The following MACF1 variants were observed in gnomAD, a reference collection of about 807,000 sequenced individuals.
MACF1 encodes microtubule actin crosslinking factor 1.
A neutral mutation model predicts 854.8 loss-of-function variants in MACF1; 193 were observed. The ratio of observed to expected loss-of-function variants is 0.23; its 90% CI spans 0.20 to 0.25. The LOEUF is 0.25. MACF1 is among the 10% of genes least tolerant of loss of function. The pLI, the probability that MACF1 is intolerant of heterozygous loss-of-function variation, is 1.00. For synonymous variants in MACF1, 3,185 were observed against 3,226.7 expected, an observed-to-expected ratio of 0.99 and a Z score of 0.44; for missense variants, 7,722 against 8,929.1, an observed-to-expected ratio of 0.86 and a Z score of 5.45.
intron 36 of MACF1, among the ~76,000 whole-genome samples, chr1:39,330,645 G>A (rs1470835544): frequency 6.6e-6 from 1 of 152,142 alleles, no homozygotes; most frequent in Non-Finnish European, 1.5e-5. Context: ...TATCTCTCAA[G>A]TAATCTAGGA....
At chr1:39,303,643 G>C (rs1158243454) in intron 23 of MACF1, among the ~76,000 whole-genome samples, 1 of 150,920 alleles carries the variant, frequency 6.6e-6, no homozygotes. Context: ...CTTGAGGTCA[G>C]GAGGTCAAGA....
chr1:39,220,653 T>C (rs190716636), intron 1 of MACF1, among the ~76,000 whole-genome samples: 3 of 151,478 alleles, frequency 2.0e-5, no homozygotes, highest in African/African-American at 7.3e-5. Context: ...TGGCTAATTT[T>C]TGTCTTTTTT....
chr1:39,346,521 C>CTTT (rs527394465), intron 40 of MACF1, among the ~76,000 whole-genome samples: 41 of 138,006 alleles, frequency 3.0e-4, no homozygotes, highest in Admixed American at 5.8e-4. Flanking sequence ...GTGAGAGAGA[C>CTTT]TTTTTTTTTT....
At chr1:39,129,563 A>G (rs1642945388) in intron 2 of MACF1, among the ~76,000 whole-genome samples, 1 of 152,226 alleles carries the variant, frequency 6.6e-6, no homozygotes, top group Non-Finnish European at 1.5e-5. Flanking sequence ...GAAATCCAGG[A>G]GAAAAATGCA....
chr1:39,431,421 G>C (rs553189631), intron 66 of MACF1, among the ~76,000 whole-genome samples: 109 of 152,042 alleles, frequency 7.2e-4, no homozygotes, highest in African/African-American at 2.5e-3. Flanking sequence ...TTGTTCTTTT[G>C]TGTAGCTGGA....
Position 39,119,120 on chromosome 1 carries a change from A to G in MACF1, c.220+34682A>G, listed in dbSNP as rs374922192. The stretch of plus-strand genomic sequence containing the variant: ...GATCACCTGAGATCAGGAGTTCTAG[A>G]CCAGCGGGACCAACATGGAGAAACC... On this transcript the variant is annotated intron_variant, in intron 2 of 93. Coordinates refer to the MACF1 transcript ENST00000361689. Among the ~76,000 whole-genome samples, 12 of 152,246 alleles carry G rather than the reference A, an allele frequency of 7.9e-5. No homozygotes were observed. In the East Asian group the frequency reaches 2.1e-3, roughly 27 times the overall value.
chr1:39,349,456 G>T, intron 41 of MACF1, 22 bp from the exon 42 acceptor site: 1 of 1,598,202 alleles, frequency 6.3e-7, no homozygotes, highest in South Asian at 1.1e-5. Flanking sequence ...AATGTCTCTT[G>T]ACCCCTTTGC....
chr1:39,216,678 C>CCT lies in MACF1; in HGVS notation c.109+11547_109+11548insCT, dbSNP rs1553168253. 6.1e-5 allele frequency among the ~76,000 whole-genome samples: 9 copies of CCT among 148,704 alleles called. No homozygotes were observed. The East Asian group carries it at 1.4e-3, about 23-fold the overall frequency. On this transcript the variant is annotated intron_variant, in intron 1 of 100. Coordinates refer to ENST00000564288, the MANE Select transcript of MACF1 (RefSeq NM_001394062.1). ...CAGAGGGGGCAATTTTAGTGGTCTA[C>CCT]TTTTTTTTTTTATCTTTCCTGTATC...
intron 56 of MACF1, among the ~76,000 whole-genome samples, chr1:39,382,796 A>C (rs1382445074): frequency 2.0e-5 from 3 of 152,134 alleles, no homozygotes; most frequent in Non-Finnish European, 4.4e-5. Context: ...ACCTCAAAAA[A>C]ATTGATTTAA....
intron 52 of MACF1, among the ~76,000 whole-genome samples, chr1:39,376,153 C>T (rs992473546): frequency 6.6e-6 from 1 of 152,132 alleles, no homozygotes. Flanking sequence ...CCCAGAAAAG[C>T]AGCATAATTG....
At chr1:39,429,706 C>A in intron 64 of MACF1, 121 bp from the exon 65 acceptor site, 1 of 994,892 alleles carries the variant, frequency 1.0e-6, no homozygotes. Context: ...TAGGTGAAAT[C>A]ATTACCACAG....
chr1:39,337,352 A>T (rs1243711236), intron 38 of MACF1, 21 bp downstream of exon 38: 1 of 1,609,606 alleles, frequency 6.2e-7, no homozygotes, highest in East Asian at 2.2e-5. Context: ...AGAGACTTCC[A>T]CCACAGACAC....
Position 39,283,134 on chromosome 1 carries a change from C to G in MACF1, c.696-55C>G. 9.1e-7 allele frequency: 1 copy of G among 1,103,610 alleles called. No individual in the cohort carries two copies. Among genetic ancestry groups the G allele is most frequent in the Non-Finnish European group, 1.4e-6 (1 of 724,562 alleles). 68.4% of individuals were successfully genotyped at this position (1,103,610 alleles called of 1,614,324 possible). A position where few individuals can be genotyped will look rare whatever the true frequency, so the allele number is the denominator to read the frequency against. ...TTTCAGGAGGTTTTCTTTGTGTAAA[C>G]TCATGTGTGATGTGTAGATGGTGGC... is the stretch of plus-strand genomic sequence containing the variant. On this transcript the variant is annotated intron_variant, in intron 7 of 100. Coordinates refer to ENST00000564288, the MANE Select transcript of MACF1 (RefSeq NM_001394062.1). The surrounding 1 kb of genome is among the most constrained non-coding windows in gnomAD (Gnocchi z 4.5).
intron 58 of MACF1, among the ~76,000 whole-genome samples, chr1:39,392,039 A>T (rs1040825576): frequency 2.0e-5 from 3 of 152,208 alleles, no homozygotes; most frequent in African/African-American, 7.2e-5. Flanking sequence ...GTAGGTAGTT[A>T]CCATAAAATG....
rs1436510109 is a variant in MACF1 at position 39,105,792 on chromosome 1, G to C, written c.220+21354G>C. 1.0e-6 allele frequency: 1 copy of C among 999,582 alleles called. No individual in the cohort carries two copies. Among genetic ancestry groups the C allele is most frequent in the East Asian group, 1.1e-4 (1 of 9,200 alleles). The allele number at this position is 999,582 out of a possible 1,614,324, so 61.9% of individuals were successfully genotyped here. A position where few individuals can be genotyped will look rare whatever the true frequency, so the allele number is the denominator to read the frequency against. ...GGCCTTCGGAGCCGGTCGGCTCGGC[G>C]GCTGCAGGTGGGGCGGCCGGGCGGG... On this transcript the variant is annotated intron_variant, in intron 2 of 93. Transcript: ENST00000361689. This position sits in a 1 kb window ranked among gnomAD's most constrained non-coding sequence, Gnocchi z 5.9.
At chr1:39,096,588 CA>C (rs61542154) in intron 2 of MACF1, among the ~76,000 whole-genome samples, 89,172 of 139,054 alleles carry the variant, frequency 0.64, 29,285 homozygotes, top group East Asian at 0.97. Context: ...GACTCTATCT[CA>C]AAAAAAAAAA....
Position 39,429,227 on chromosome 1 carries a change from ATTC to A in MACF1, c.16804-12_16804-10del. The A allele has an allele frequency of 7.5e-7, 1 of 1,325,328 alleles. No individual in the cohort carries two copies. The allele number at this position is 1,325,328 out of a possible 1,614,324, so 82.1% of individuals were successfully genotyped here. A position where few individuals can be genotyped will look rare whatever the true frequency, so the allele number is the denominator to read the frequency against. On this transcript the variant is annotated splice_polypyrimidine_tract_variant and intron_variant, in intron 63 of 100. Coordinates refer to ENST00000564288, the MANE Select transcript of MACF1 (RefSeq NM_001394062.1). Reference sequence around the variant, plus strand: ...GTGCCACAGTTTCAGGATTAATGGTATTCTTTCCTTTCAGGCTTTAAATGAAGA... The same window carrying A: ...GTGCCACAGTTTCAGGATTAATGGTATTTCCTTTCAGGCTTTAAATGAAGA...
rs1317864961 is a variant in MACF1, at chr1:39,378,515, C to G, written c.13268C>G (p.Thr4423Ser). 18 of 1,613,718 alleles carry G rather than the reference C, an allele frequency of 1.1e-5. No individual in the cohort carries two copies. The highest frequency in any genetic ancestry group is 1.4e-5 in the Non-Finnish European group (17 of 1,179,628). ...GTAGGCAGTGTAAACGGATACCACACCTGCAAAGGTGAGAATGCCATTTCA... is the reference window on the plus strand; with the variant it reads ...GTAGGCAGTGTAAACGGATACCACAGCTGCAAAGGTGAGAATGCCATTTCA... Reference protein sequence around the residue: ...SSVGSVNGYHTCKDLTEIQCD... With the variant: ...SSVGSVNGYHSCKDLTEIQCD... The change falls in exon 53 of 101, where the codon ACC (threonine) becomes AGC (serine). Residue 4423 changes from threonine to serine, a missense_variant. Thr to Ser is a moderately conservative substitution (Grantham distance 58). Around this residue, in one of 15 missense-constraint regions of MACF1, gnomAD observed 2,807 missense variants for 3,235.8 expected, o/e 0.87. Coordinates refer to ENST00000564288, the MANE Select transcript of MACF1 (RefSeq NM_001394062.1).
In MACF1 at chr1:39,437,875, A is replaced by G. The variant is rs761520264; in HGVS notation, c.18087A>G (p.Arg6029=). The change falls in exon 71 of 101, where the codon AGA becomes AGG. Residue 6029 remains arginine, a synonymous_variant. Coordinates refer to ENST00000564288, the MANE Select transcript of MACF1 (RefSeq NM_001394062.1). ...PLIPAEVDKI[R]ECISDNKSAT... ...TCCCTGCTGAAGTAGACAAGATCAGAGAGTGCATCAGTGACAATAAGAGTG... is the reference window on the plus strand; with the variant it reads ...TCCCTGCTGAAGTAGACAAGATCAGGGAGTGCATCAGTGACAATAAGAGTG... 1 of 1,614,178 alleles carries G rather than the reference A, an allele frequency of 6.2e-7. No homozygotes were observed.
Sources: gnomAD v4.1 joint callset for allele counts (sites outside exome capture counted in the v4.1 genomes callset) on GRCh38, gnomAD v4.1.1 for gene constraint, gnomAD v4.1.1 regional missense constraint, Gnocchi (gnomAD v3.1) non-coding constraint, MANE v1.5 for transcripts, NCBI Gene and HGNC (gene_info 2026-07-23, HGNC 2026-07-21) for gene names.